Variants in SLC25A21 observed in about 807,000 individuals in gnomAD.
The protein encoded by SLC25A21 is mitochondrial 2-oxodicarboxylate carrier.
Under a neutral mutation model 43.8 loss-of-function variants are expected in SLC25A21, and 47 were observed. The ratio of observed to expected loss-of-function variants is 1.07; its 90% CI spans 0.85 to 1.37. SLC25A21 has a LOEUF of 1.37. Ranked by LOEUF, SLC25A21 falls within the 40% of genes most tolerant of loss-of-function variation. The probability of loss-of-function intolerance (pLI) is 0.00; values close to 1 mark genes in which losing one functional copy is unlikely to be tolerated. For missense variants in SLC25A21, 352 were observed against 350.2 expected, an observed-to-expected ratio of 1.00 and a Z score of -0.04; for synonymous variants, 131 against 121.3, an observed-to-expected ratio of 1.08 and a Z score of -0.52.
intron 1 of SLC25A21, among the ~76,000 whole-genome samples, chr14:36,970,714 C>T (rs1314675029): frequency 2.0e-5 from 3 of 152,142 alleles, no homozygotes; most frequent in Non-Finnish European, 2.9e-5. Flanking sequence ...CATTCCATGC[C>T]TGCATAGGTC....
chr14:37,168,958 T>C (rs1021349209), intron 1 of SLC25A21, among the ~76,000 whole-genome samples: 4 of 152,196 alleles, frequency 2.6e-5, no homozygotes, highest in African/African-American at 9.6e-5. Context: ...TGCTATCTTG[T>C]GGAAGACTGC....
At chr14:37,043,311 T>C (rs1193693949) in intron 1 of SLC25A21, among the ~76,000 whole-genome samples, 1 of 152,174 alleles carries the variant, frequency 6.6e-6, no homozygotes, top group East Asian at 1.9e-4. Context: ...AGCAAACCAT[T>C]CCTGCTTCAA....
intron 1 of SLC25A21, among the ~76,000 whole-genome samples, chr14:37,004,926 ATTTTTT>A (rs35750060): frequency 3.5e-5 from 5 of 143,162 alleles, no homozygotes; most frequent in African/African-American, 1.3e-4. Context: ...CAGGGAAGGA[ATTTTTT>A]TTTTTTTTTT....
chr14:36,835,410 C>T (rs906611116), intron 2 of SLC25A21, among the ~76,000 whole-genome samples: 1 of 152,152 alleles, frequency 6.6e-6, no homozygotes, highest in East Asian at 1.9e-4. Context: ...CTTCTCAGTG[C>T]ATGAATGGCT....
At chr14:37,011,062 T>C (rs1033651671) in intron 1 of SLC25A21, among the ~76,000 whole-genome samples, 1 of 152,184 alleles carries the variant, frequency 6.6e-6, no homozygotes, top group South Asian at 2.1e-4. Context: ...AATTTTTGTA[T>C]TTTTAGTAGA....
chr14:37,038,071 C>G (rs1328515218), intron 1 of SLC25A21, among the ~76,000 whole-genome samples: 1 of 152,122 alleles, frequency 6.6e-6, no homozygotes, highest in Non-Finnish European at 1.5e-5. Flanking sequence ...CTAAAGTTCT[C>G]AGTTCAGCGC....
intron 1 of SLC25A21, among the ~76,000 whole-genome samples, chr14:37,114,088 C>T (rs1181301595): frequency 2.6e-5 from 4 of 151,804 alleles, no homozygotes; most frequent in Non-Finnish European, 5.9e-5. Context: ...TTCCATTTTT[C>T]TTCAGATTTT....
chr14:36,856,509 A>G (rs898464238), intron 2 of SLC25A21, among the ~76,000 whole-genome samples: 3 of 152,138 alleles, frequency 2.0e-5, no homozygotes, highest in Non-Finnish European at 4.4e-5. Flanking sequence ...GGGGTTGGCC[A>G]AAGCCAAGAC....
chr14:36,756,595 C>T (rs1885939451), intron 3 of SLC25A21, among the ~76,000 whole-genome samples: 1 of 152,170 alleles, frequency 6.6e-6, no homozygotes, highest in South Asian at 2.1e-4. Flanking sequence ...ACCCATTTCC[C>T]TTGGCACCCT....
At chr14:36,968,425 T>C (rs1209325506) in intron 1 of SLC25A21, among the ~76,000 whole-genome samples, 1 of 151,908 alleles carries the variant, frequency 6.6e-6, no homozygotes, top group Non-Finnish European at 1.5e-5. Context: ...TGGTTAGAAA[T>C]GGAATGGAGA....
At chr14:37,155,186 T>A (rs1963827690) in intron 1 of SLC25A21, among the ~76,000 whole-genome samples, 1 of 151,948 alleles carries the variant, frequency 6.6e-6, no homozygotes, top group Non-Finnish European at 1.5e-5. Flanking sequence ...TCCTCCTACC[T>A]CAGCCTCCCA....
chr14:36,894,031 T>A (rs894473446), intron 1 of SLC25A21, among the ~76,000 whole-genome samples: 6 of 152,212 alleles, frequency 3.9e-5, no homozygotes, highest in African/African-American at 1.2e-4. Context: ...GGACTCTTTT[T>A]TGGCTCCATA....
intron 1 of SLC25A21, among the ~76,000 whole-genome samples, chr14:36,983,169 G>T: frequency 6.6e-6 from 1 of 152,120 alleles, no homozygotes; most frequent in East Asian, 1.9e-4. Context: ...CCTGAAACAT[G>T]ATATAAAGAT....
chr14:36,728,759 C>A (rs561738139), intron 5 of SLC25A21, among the ~76,000 whole-genome samples: 1 of 152,172 alleles, frequency 6.6e-6, no homozygotes, highest in Non-Finnish European at 1.5e-5. Flanking sequence ...TTCCTAGAGG[C>A]TGGAGTACAT....
chr14:36,764,614 C>T (rs1594566988), intron 3 of SLC25A21, among the ~76,000 whole-genome samples: 2 of 133,200 alleles, frequency 1.5e-5, no homozygotes, highest in South Asian at 4.8e-4. Flanking sequence ...CACACACACA[C>T]TCCAAAAAAA....
rs1555326615 is a variant in SLC25A21 at position 36,764,079 on chromosome 14, A to AGAAAGAAAGAAG, written c.204-29507_204-29506insCTTCTTTCTTTC. Among the ~76,000 whole-genome samples the AGAAAGAAAGAAG allele has an allele frequency of 1.0e-3, 42 of 41,856 alleles. 1 individual carries two copies. The highest frequency in any genetic ancestry group is 0.013 in the Middle Eastern group (1 of 76). 27.5% of individuals were successfully genotyped at this position (41,856 alleles called of 152,430 possible). A position where few individuals can be genotyped will look rare whatever the true frequency, so the allele number is the denominator to read the frequency against. ...AAGAAAGAAAGAAAGAAAGAAAGAAAGAAGGAAGGAAGGAAGGAAGGAAGG... is the reference window on the plus strand; with the variant it reads ...AAGAAAGAAAGAAAGAAAGAAAGAAAGAAAGAAAGAAGGAAGGAAGGAAGGAAGGAAGGAAGG... On this transcript the variant is annotated intron_variant, in intron 3 of 9. Transcript: ENST00000331299.
At chr14:36,841,211 T>A (rs848050) in intron 2 of SLC25A21, among the ~76,000 whole-genome samples, 44,622 of 151,888 alleles carry the variant, frequency 0.29, 8,039 homozygotes, top group Non-Finnish European at 0.39. Flanking sequence ...TATCCTCTTT[T>A]AAAAAAATCT....
chr14:36,851,289 C>T (rs1310998303), intron 2 of SLC25A21, among the ~76,000 whole-genome samples: 1 of 152,228 alleles, frequency 6.6e-6, no homozygotes, highest in East Asian at 1.9e-4. Context: ...GTTTGGTGAG[C>T]TCCTGTTCAA....
intron 1 of SLC25A21, among the ~76,000 whole-genome samples, chr14:36,886,000 A>G (rs1890900903): frequency 1.3e-5 from 2 of 152,304 alleles, no homozygotes; most frequent in African/African-American, 4.8e-5. Flanking sequence ...AAGTCTTTAA[A>G]ACATAAAAAA....
Sources: allele counts gnomAD v4.1 joint callset (sites outside exome capture counted in the v4.1 genomes callset), GRCh38; gene constraint gnomAD v4.1.1; transcripts MANE v1.5; gene names NCBI Gene and HGNC (gene_info 2026-07-23, HGNC 2026-07-21).